IMMP2L: variants seen among roughly 807,000 people sequenced by gnomAD.
IMMP2L encodes the protein mitochondrial inner membrane protease subunit 2.
Under a neutral mutation model 19.3 loss-of-function variants are expected in IMMP2L, and 18 were observed. The ratio of observed to expected loss-of-function variants is 0.93; its 90% CI spans 0.64 to 1.38. IMMP2L has a LOEUF of 1.38. Among genes scored for constraint, IMMP2L ranks in the 40% most tolerant of loss-of-function variants. The probability of loss-of-function intolerance (pLI) is 0.00; values close to 1 mark genes in which losing one functional copy is unlikely to be tolerated. For synonymous variants in IMMP2L, 76 were observed against 73.0 expected (o/e 1.04, Z -0.21); for missense variants, 233 against 218.2 (o/e 1.07, Z -0.43).
Position 111,231,123 on chromosome 7 carries a change from T to C in IMMP2L, c.239+256115A>G, listed in dbSNP as rs77542103. ...AAATTTTCAGATGTCCTATCAGCAA[T>C]CAGATTACTTAATCTATCTGCCTTT... is the stretch of plus-strand genomic sequence containing the variant. On this transcript the variant is annotated intron_variant, in intron 3 of 5. Coordinates refer to ENST00000405709, the MANE Select transcript of IMMP2L (RefSeq NM_032549.4). 8.8e-3 allele frequency among the ~76,000 whole-genome samples: 1,331 copies of C among 151,722 alleles called. 22 individuals carry two copies. Among genetic ancestry groups the C allele is most frequent in the African/African-American group, 0.03 (1,260 of 41,368 alleles).
At chr7:111,072,069 C>A (rs186412756) in intron 3 of IMMP2L, among the ~76,000 whole-genome samples, 1 of 152,098 alleles carries the variant, frequency 6.6e-6, no homozygotes, top group East Asian at 1.9e-4. Flanking sequence ...AATAATGATA[C>A]TAATAGCTTA....
At chr7:110,713,618 T>A (rs986982286) in intron 5 of IMMP2L, among the ~76,000 whole-genome samples, 1 of 151,694 alleles carries the variant, frequency 6.6e-6, no homozygotes, top group Non-Finnish European at 1.5e-5. Flanking sequence ...CTTGTAGAGA[T>A]CTTCTATCGC....
At chr7:110,720,924 C>T (rs1418683513) in intron 5 of IMMP2L, among the ~76,000 whole-genome samples, 2 of 152,158 alleles carry the variant, frequency 1.3e-5, no homozygotes, top group African/African-American at 4.8e-5. Flanking sequence ...TTGATAGCAA[C>T]TGCAGTACCA....
chr7:110,715,098 G>T lies in IMMP2L; in HGVS notation c.409-51377C>A, dbSNP rs558390670. 5.9e-5 allele frequency among the ~76,000 whole-genome samples: 9 copies of T among 152,214 alleles called. No individual in the cohort carries two copies. The East Asian group carries it at 1.7e-3, about 29-fold the overall frequency. Reference sequence around the variant, plus strand: ...GTCTCTGAGGATGCTTTATGTTTCTGTGGGATGTGTTGTAATGGCACTTTT... The same window carrying T: ...GTCTCTGAGGATGCTTTATGTTTCTTTGGGATGTGTTGTAATGGCACTTTT... On this transcript the variant is annotated intron_variant, in intron 5 of 5. Transcript: ENST00000405709.
At chr7:110,832,557 G>A (rs1322888392) in intron 5 of IMMP2L, among the ~76,000 whole-genome samples, 2 of 152,000 alleles carry the variant, frequency 1.3e-5, no homozygotes, top group Non-Finnish European at 2.9e-5. Flanking sequence ...TACTTGGCCT[G>A]GTGACCATTG....
chr7:111,476,753 T>C (rs1049585801), intron 3 of IMMP2L, among the ~76,000 whole-genome samples: 2 of 152,278 alleles, frequency 1.3e-5, no homozygotes, highest in East Asian at 1.9e-4. Context: ...CCTCTGCCCA[T>C]GGCCCCTGAA....
chr7:111,173,832 A>T (rs560930498), intron 3 of IMMP2L, among the ~76,000 whole-genome samples: 5 of 151,738 alleles, frequency 3.3e-5, no homozygotes, highest in Admixed American at 2.0e-4. Context: ...AAAGAAGCTT[A>T]CCATCATTGT....
intron 3 of IMMP2L, among the ~76,000 whole-genome samples, chr7:111,028,897 T>C (rs1251281292): frequency 1.3e-5 from 2 of 152,164 alleles, no homozygotes; most frequent in African/African-American, 4.8e-5. Flanking sequence ...CAAAATAAGA[T>C]TTTCTTCAAA....
intron 3 of IMMP2L, among the ~76,000 whole-genome samples, chr7:111,036,776 G>A (rs1252457675): frequency 6.6e-6 from 1 of 152,048 alleles, no homozygotes; most frequent in African/African-American, 2.4e-5. Context: ...TAACTTTATA[G>A]TTTCTGAGTT....
intron 3 of IMMP2L, among the ~76,000 whole-genome samples, chr7:111,208,223 T>C (rs2129617824): frequency 6.6e-6 from 1 of 152,266 alleles, no homozygotes; most frequent in East Asian, 1.9e-4. Context: ...TTAACAACAT[T>C]CTCTCAGGTG....
At chr7:111,211,352 C>A (rs1375142920) in intron 3 of IMMP2L, among the ~76,000 whole-genome samples, 1 of 151,764 alleles carries the variant, frequency 6.6e-6, no homozygotes, top group Non-Finnish European at 1.5e-5. Flanking sequence ...ATGGCTTATT[C>A]AGAGAAAGAG....
At chr7:111,411,090 T>TAAAAAAAAAAAAAAAAAATAA (rs536367628) in intron 3 of IMMP2L, among the ~76,000 whole-genome samples, 1 of 78,876 alleles carries the variant, frequency 1.3e-5, no homozygotes, top group Non-Finnish European at 2.8e-5. Flanking sequence ...ATCAAATTGC[T>TAAAAAAAAAAAAAAAAAATAA]AAAAAAAAAA....
At chr7:111,284,487 G>A (rs762968515) in intron 3 of IMMP2L, among the ~76,000 whole-genome samples, 2 of 152,124 alleles carry the variant, frequency 1.3e-5, no homozygotes, top group Non-Finnish European at 2.9e-5. Flanking sequence ...TTCATGGAAA[G>A]GAAACTTGAA....
intron 5 of IMMP2L, among the ~76,000 whole-genome samples, chr7:110,771,971 C>G (rs1309438507): frequency 1.3e-5 from 2 of 152,110 alleles, no homozygotes; most frequent in Admixed American, 6.5e-5. Flanking sequence ...AAAGAGAACT[C>G]TTAGTCATGA....
intron 3 of IMMP2L, among the ~76,000 whole-genome samples, chr7:111,320,938 C>T (rs1397015555): frequency 6.6e-6 from 1 of 151,922 alleles, no homozygotes; most frequent in Non-Finnish European, 1.5e-5. Context: ...TAGAATAGTA[C>T]TTGGAACAAA....
chr7:111,019,495 C>T (rs1232392026), intron 3 of IMMP2L, among the ~76,000 whole-genome samples: 1 of 152,080 alleles, frequency 6.6e-6, no homozygotes, highest in Non-Finnish European at 1.5e-5. Context: ...AGGAAGCAGA[C>T]AGAGGGGGAG....
chr7:110,877,628 G>A lies in IMMP2L; in HGVS notation c.408+8965C>T, dbSNP rs1209407396. On this transcript the variant is annotated intron_variant, in intron 5 of 5. Coordinates refer to ENST00000405709, the MANE Select transcript of IMMP2L (RefSeq NM_032549.4). This position sits in a 1 kb window ranked among gnomAD's most constrained non-coding sequence, Gnocchi z 4.0. ...AAAAGGGTTTGACTGCCCTGCTAAT[G>A]ACTTTACACTAGCTATTTTGAGCCA... 6.6e-6 allele frequency among the ~76,000 whole-genome samples: 1 copy of A among 152,156 alleles called. No homozygotes were observed. Among genetic ancestry groups the A allele is most frequent in the Non-Finnish European group, 1.5e-5 (1 of 68,014 alleles).
chr7:111,431,759 T>C (rs1836655432), intron 3 of IMMP2L, among the ~76,000 whole-genome samples: 1 of 151,828 alleles, frequency 6.6e-6, no homozygotes, highest in Admixed American at 6.6e-5. Context: ...AAAAAAGTCA[T>C]AGAAGTATAA....
chr7:111,355,974 A>T (rs1383498231), intron 3 of IMMP2L, among the ~76,000 whole-genome samples: 1 of 152,094 alleles, frequency 6.6e-6, no homozygotes, highest in Non-Finnish European at 1.5e-5. Context: ...TCTGAAAAAC[A>T]AACTCCAAAG....
Sources: allele counts gnomAD v4.1 joint callset (sites outside exome capture counted in the v4.1 genomes callset), GRCh38; gene constraint gnomAD v4.1.1; non-coding constraint Gnocchi (gnomAD v3.1); transcripts MANE v1.5; gene names NCBI Gene and HGNC (gene_info 2026-07-23, HGNC 2026-07-21).